Variants in PLSCR1 observed in about 807,000 individuals in gnomAD.
The protein encoded by PLSCR1 is phospholipid scramblase 1.
Under a neutral mutation model 37.8 loss-of-function variants are expected in PLSCR1, and 17 were observed. That is an observed-to-expected ratio of 0.45 (90% CI 0.31 to 0.68). The LOEUF (loss-of-function observed/expected upper bound fraction) is 0.68. Among genes scored for constraint, PLSCR1 ranks in the 30% least tolerant of loss-of-function variants. The pLI, the probability that PLSCR1 is intolerant of heterozygous loss-of-function variation, is 0.06. For synonymous variants in PLSCR1, 116 were observed against 125.9 expected (o/e 0.92, Z 0.53); for missense variants, 347 against 380.9 (o/e 0.91, Z 0.74).
intron 1 of PLSCR1, among the ~76,000 whole-genome samples, chr3:146,539,648 C>T (rs73153001): frequency 0.017 from 2,614 of 152,284 alleles, 45 homozygotes; most frequent in Non-Finnish European, 0.021. Context: ...ACAATTTGTT[C>T]ATATTTGCTC....
At chr3:146,540,853 C>G (rs974102956) in intron 1 of PLSCR1, 10 of 152,118 alleles carry the variant, frequency 6.6e-5, no homozygotes. Context: ...GCCAGGGGAA[C>G]ATTACAGAGG....
chr3:146,538,395 G>A (rs536772381), intron 1 of PLSCR1, among the ~76,000 whole-genome samples: 22 of 152,184 alleles, frequency 1.4e-4, no homozygotes, highest in East Asian at 5.8e-4. Flanking sequence ...AAAAATATGC[G>A]AAGAGTACTT....
intron 4 of PLSCR1, among the ~76,000 whole-genome samples, chr3:146,526,083 T>G (rs1204276303): frequency 2.8e-5 from 4 of 143,202 alleles, no homozygotes; most frequent in Non-Finnish European, 4.5e-5. Flanking sequence ...CTTGGGAGGC[T>G]CAGGCAGGAG....
chr3:146,522,631 G>C (rs1358190100), intron 5 of PLSCR1, among the ~76,000 whole-genome samples: 2 of 152,134 alleles, frequency 1.3e-5, no homozygotes, highest in Admixed American at 6.5e-5. Context: ...TCTGAAATAT[G>C]GCCTCCTGGG....
chr3:146,538,073 T>C (rs1286650827), intron 1 of PLSCR1: 1 of 152,214 alleles, frequency 6.6e-6, no homozygotes, highest in Non-Finnish European at 1.5e-5. Context: ...TGTGTTTGTG[T>C]TACTAACTTC....
chr3:146,517,923 A>G (rs921919565), intron 7 of PLSCR1, among the ~76,000 whole-genome samples: 5 of 152,214 alleles, frequency 3.3e-5, no homozygotes, highest in African/African-American at 1.2e-4. Context: ...TGAAATTCAC[A>G]AAACTATGTA....
intron 5 of PLSCR1, among the ~76,000 whole-genome samples, chr3:146,524,524 T>C (rs945936401): frequency 8.5e-5 from 13 of 152,134 alleles, no homozygotes; most frequent in African/African-American, 3.1e-4. Flanking sequence ...AATTAACACA[T>C]ATTTAACAAA....
intron 2 of PLSCR1, among the ~76,000 whole-genome samples, chr3:146,534,219 A>G (rs1204893656): frequency 1.3e-5 from 2 of 152,140 alleles, no homozygotes; most frequent in African/African-American, 2.4e-5. Context: ...ATGTCTATCT[A>G]GTCATTCGGT....
intron 5 of PLSCR1, chr3:146,525,395 A>C: frequency 2.0e-6 from 1 of 491,768 alleles, no homozygotes; most frequent in South Asian, 2.8e-5. Context: ...GTTAGTGTCA[A>C]TATCCCGAGG....
intron 4 of PLSCR1, 194 bp downstream of exon 4, chr3:146,528,420 G>A (rs768765046): frequency 8.4e-6 from 5 of 595,068 alleles, no homozygotes; most frequent in Non-Finnish European, 1.5e-5. Context: ...TAAGATAACA[G>A]AAAATACAAT....
In PLSCR1 at chr3:146,528,784, G is replaced by T. The variant is rs529731330; in HGVS notation, c.142C>A (p.Pro48Thr). The T allele has an allele frequency of 1.2e-6, 2 of 1,614,152 alleles. No individual in the cohort carries two copies. Among genetic ancestry groups the T allele is most frequent in the Non-Finnish European group, 1.7e-6 (2 of 1,180,004 alleles). Reference sequence around the variant, plus strand: ...GGACCTGAATGGCCGGCTGGTGGGGGTGGGTAGCTGACCTGGGGCCCAGGG... The same window carrying T: ...GGACCTGAATGGCCGGCTGGTGGGGTTGGGTAGCTGACCTGGGGCCCAGGG... The part of the protein sequence containing the change: ...GYPGPQVSYP[P>T]PPAGHSGPGP... The change falls in exon 4 of 9, where the codon CCC becomes ACC. Residue 48 changes from proline (P) to threonine (T), a missense_variant. Transcript: ENST00000342435.
chr3:146,534,633 T>C (rs2044242159), intron 2 of PLSCR1, among the ~76,000 whole-genome samples: 1 of 151,842 alleles, frequency 6.6e-6, no homozygotes, highest in Non-Finnish European at 1.5e-5. Context: ...TCCATGGTGA[T>C]TGTGTAAAAT....
intron 1 of PLSCR1, among the ~76,000 whole-genome samples, chr3:146,544,008 A>G (rs1011254851): frequency 2.6e-5 from 4 of 152,256 alleles, no homozygotes; most frequent in African/African-American, 9.6e-5. Context: ...TTACTGATAA[A>G]TGACAGCTTG....
intron 1 of PLSCR1, among the ~76,000 whole-genome samples, chr3:146,543,684 A>T (rs1361482131): frequency 6.6e-6 from 1 of 152,246 alleles, no homozygotes; most frequent in East Asian, 1.9e-4. Context: ...TCAAATATTT[A>T]AAATAATAAG....
rs548102335 is a variant in PLSCR1 at position 146,540,412 on chromosome 3, C to G, written c.-13-3847G>C. On this transcript the variant is annotated intron_variant, in intron 1 of 8. Coordinates refer to ENST00000342435, the MANE Select transcript of PLSCR1 (RefSeq NM_021105.3). ...CTCTACTACCACGAAGAGGAAGACA[C>G]AGCACAGGGGATTTCCAGTTCTGGC... Among the ~76,000 whole-genome samples the G allele has an allele frequency of 2.0e-5, 3 of 152,276 alleles. No homozygotes were observed. In the South Asian group the frequency reaches 6.2e-4, roughly 32 times the overall value.
chr3:146,529,074 A>ATGCTTTATATCTTTAT (rs2044159758), intron 3 of PLSCR1, among the ~76,000 whole-genome samples: 2 of 152,238 alleles, frequency 1.3e-5, no homozygotes, highest in Non-Finnish European at 2.9e-5. Context: ...ACTCAGAAGG[A>ATGCTTTATATCTTTAT]AAATATGCTT....
In PLSCR1 at chr3:146,521,555, C is replaced by T. The variant is rs772574223; in HGVS notation, c.727G>A (p.Val243Ile). ...ATGACATCTCTTACCTCAAAATCAACATCTCCACAACAGCTGCACACAACA... is the reference window on the plus strand; with the variant it reads ...ATGACATCTCTTACCTCAAAATCAATATCTCCACAACAGCTGCACACAACA... Reference protein sequence around the residue: ...PCVVCSCCGDVDFEIKSLDEQ... With the variant: ...PCVVCSCCGDIDFEIKSLDEQ... The change falls in exon 7 of 9, where the codon GTT becomes ATT. Residue 243 changes from valine to isoleucine, a missense_variant. Coordinates refer to ENST00000342435, the MANE Select transcript of PLSCR1 (RefSeq NM_021105.3). 1.1e-5 allele frequency: 18 copies of T among 1,612,398 alleles called. No homozygotes were observed. In the South Asian group the frequency reaches 1.3e-4, roughly 12 times the overall value.
At chr3:146,540,110 A>T (rs925086534) in intron 1 of PLSCR1, among the ~76,000 whole-genome samples, 4 of 152,236 alleles carry the variant, frequency 2.6e-5, no homozygotes, top group Non-Finnish European at 5.9e-5. Flanking sequence ...TTTCATTTTA[A>T]ATTTCAGAAA....
chr3:146,541,957 C>G (rs1274317314), intron 1 of PLSCR1, among the ~76,000 whole-genome samples: 3 of 152,158 alleles, frequency 2.0e-5, no homozygotes, highest in Non-Finnish European at 4.4e-5. Flanking sequence ...TAAGAAGACC[C>G]TCACAAGATG....
Sources: allele counts gnomAD v4.1 joint callset (sites outside exome capture counted in the v4.1 genomes callset), GRCh38; gene constraint gnomAD v4.1.1; transcripts MANE v1.5; gene names NCBI Gene and HGNC (gene_info 2026-07-23, HGNC 2026-07-21).